SLCO1B3: variants seen among roughly 807,000 people sequenced by gnomAD.
SLCO1B3 encodes the protein solute carrier organic anion transporter family member 1B3.
SLCO1B3 carries 72 observed loss-of-function variants against 71.8 expected under a neutral mutation model. The observed-to-expected ratio is 1.00, with a 90% confidence interval of 0.83 to 1.22. The LOEUF is 1.22. SLCO1B3 is among the 50% of genes most tolerant of loss of function. The pLI is 0.00. For missense variants in SLCO1B3, 911 were observed against 819.7 expected, an observed-to-expected ratio of 1.11 and a Z score of -1.36; for synonymous variants, 298 against 278.4, an observed-to-expected ratio of 1.07 and a Z score of -0.70.
chr12:20,855,911 T>C (rs1053147771), intron 4 of SLCO1B3, among the ~76,000 whole-genome samples: 1 of 152,060 alleles, frequency 6.6e-6, no homozygotes, highest in African/African-American at 2.4e-5. Flanking sequence ...CACCAAATTG[T>C]CTATTATATA....
chr12:20,823,313 G>T (rs928411266), intron 3 of SLCO1B3, among the ~76,000 whole-genome samples: 1 of 151,810 alleles, frequency 6.6e-6, no homozygotes, highest in Non-Finnish European at 1.5e-5. Flanking sequence ...AGGGGGAAAA[G>T]GAAAATGAAA....
At chr12:20,854,708 A>T (rs1169241624) in intron 3 of SLCO1B3, among the ~76,000 whole-genome samples, 1 of 152,218 alleles carries the variant, frequency 6.6e-6, no homozygotes, top group Admixed American at 6.5e-5. Flanking sequence ...AATAAAGAAA[A>T]TAGCTCACCA....
intron 13 of SLCO1B3, among the ~76,000 whole-genome samples, chr12:20,892,623 A>C (rs1408934350): frequency 6.6e-6 from 1 of 152,162 alleles, no homozygotes; most frequent in African/African-American, 2.4e-5. Context: ...AGTGATGAAG[A>C]ATATTGAACT....
chr12:20,862,756 G>A lies in SLCO1B3; in HGVS notation c.629G>A (p.Gly210Asp). 1 of 1,602,670 alleles carries A rather than the reference G, an allele frequency of 6.2e-7. No individual in the cohort carries two copies. The highest frequency in any genetic ancestry group is 8.5e-7 in the Non-Finnish European group (1 of 1,173,136). Residue 210 changes from glycine to aspartate, a missense_variant and splice_region_variant, in exon 8 of 16, where the codon GGT becomes GAT. By Grantham distance (94) the Gly-to-Asp change is moderately conservative (BLOSUM62 -1). Transcript: ENST00000381545. ...TTAAATTGTTTTGTAATACTTACAG[G>A]TAGTTTGAATGCAATAGGAATGATT... ...AKEGHSSLYL[G>D]SLNAIGMIGP... is the part of the protein sequence containing the mutation.
At chr12:20,889,613 G>A (rs1005599035) in intron 13 of SLCO1B3, among the ~76,000 whole-genome samples, 3 of 151,940 alleles carry the variant, frequency 2.0e-5, no homozygotes, top group African/African-American at 7.2e-5. Flanking sequence ...CTACTAGTAA[G>A]CTATCTATCT....
chr12:20,899,063 G>C (rs1361136354), intron 14 of SLCO1B3, among the ~76,000 whole-genome samples: 1 of 152,186 alleles, frequency 6.6e-6, no homozygotes, highest in African/African-American at 2.4e-5. Flanking sequence ...TGGATTATGA[G>C]GATGTCCTGA....
At chr12:20,892,385 T>C (rs930621912) in intron 13 of SLCO1B3, among the ~76,000 whole-genome samples, 9 of 152,152 alleles carry the variant, frequency 5.9e-5, no homozygotes. Flanking sequence ...TTGTGGTTGA[T>C]AGCAAAGTTG....
At position 20,862,415 on chromosome 12, in the gene SLCO1B3, G is replaced by A. The variant is rs1565593296; in HGVS notation, c.485G>A (p.Cys162Tyr). ...AAACACTCTCTTGTCTCGATAGATTGTGTAAAGGAATCTGGGTCACACATG... is the reference window on the plus strand; with the variant it reads ...AAACACTCTCTTGTCTCGATAGATTATGTAAAGGAATCTGGGTCACACATG... ...GTSPEIVEKD[C>Y]VKESGSHMWI... Residue 162 changes from cysteine to tyrosine, a missense_variant, in exon 7 of 16, where the codon TGT becomes TAT. By Grantham distance (194) the Cys-to-Tyr change is radical. Transcript: ENST00000381545. 4 of 1,609,330 alleles carry A rather than the reference G, an allele frequency of 2.5e-6. No homozygotes were observed. The Admixed American group carries it at 6.8e-5, about 27-fold the overall frequency.
intron 15 of SLCO1B3, among the ~76,000 whole-genome samples, chr12:20,912,501 T>A (rs1866403342): frequency 6.7e-6 from 1 of 149,902 alleles, no homozygotes; most frequent in Non-Finnish European, 1.5e-5. Flanking sequence ...GCTAATTTTT[T>A]TTTTTTTTTT....
chr12:20,840,026 A>G (rs1327783173), intron 3 of SLCO1B3, among the ~76,000 whole-genome samples: 1 of 152,084 alleles, frequency 6.6e-6, no homozygotes, highest in African/African-American at 2.4e-5. Flanking sequence ...TAGAATTTTT[A>G]TCTCGGCTTA....
chr12:20,834,154 T>C (rs1341521324), intron 3 of SLCO1B3, among the ~76,000 whole-genome samples: 2 of 87,430 alleles, frequency 2.3e-5, no homozygotes, highest in African/African-American at 6.4e-5. Context: ...AATATATGTA[T>C]TTATATATCA....
At position 20,824,033 on chromosome 12, in the gene SLCO1B3, T is replaced by C. The variant is rs115173153; in HGVS notation, c.84+8211T>C. On this transcript the variant is annotated intron_variant, in intron 3 of 15. Transcript: ENST00000381545. ...CTTATTAAACTTATGCAAATAATTATATTGCCATAAATTGAGAATACTCTC... is the reference window on the plus strand; with the variant it reads ...CTTATTAAACTTATGCAAATAATTACATTGCCATAAATTGAGAATACTCTC... Among the ~76,000 whole-genome samples, 1,016 of 152,328 alleles carry C rather than the reference T, an allele frequency of 6.7e-3. 15 individuals carry two copies. The highest frequency in any genetic ancestry group is 0.024 in the African/African-American group (983 of 41,572).
At chr12:20,838,196 T>A (rs1399934) in intron 3 of SLCO1B3, among the ~76,000 whole-genome samples, 109,833 of 151,630 alleles carry the variant, frequency 0.72, 42,360 homozygotes, top group South Asian at 0.9. Flanking sequence ...TTTGTTACAT[T>A]TGTATACCTT....
intron 15 of SLCO1B3, among the ~76,000 whole-genome samples, chr12:20,905,327 C>A (rs751723780): frequency 1.3e-5 from 2 of 152,184 alleles, no homozygotes; most frequent in Non-Finnish European, 2.9e-5. Context: ...ACTGTCTTGG[C>A]TATTAACATT....
chr12:20,854,026 T>C (rs1865079502), intron 3 of SLCO1B3, among the ~76,000 whole-genome samples: 1 of 152,114 alleles, frequency 6.6e-6, no homozygotes, highest in South Asian at 2.1e-4. Flanking sequence ...CTTGTTTTAT[T>C]CCTGCTTTTA....
chr12:20,872,911 G>A (rs1055076761), intron 8 of SLCO1B3, among the ~76,000 whole-genome samples: 1 of 152,164 alleles, frequency 6.6e-6, no homozygotes, highest in African/African-American at 2.4e-5. Flanking sequence ...ATCTTCTTGG[G>A]CCTCTCAAAT....
In SLCO1B3 at chr12:20,877,896, A is replaced by G. The variant is rs1015413370; in HGVS notation, c.1095A>G (p.Gln365=). The change falls in exon 10 of 16, where the codon CAA becomes CAG. Residue 365 remains glutamine (Q), a synonymous_variant. Coordinates refer to ENST00000381545, the MANE Select transcript of SLCO1B3 (RefSeq NM_019844.4). ...SFTYVFKYME[Q]QYGQSASHAN... is the part of the protein sequence containing the mutation. ...CTTACGTCTTTAAATATATGGAGCAACAGTACGGTCAGTCTGCATCTCATG... is the reference window on the plus strand; with the variant it reads ...CTTACGTCTTTAAATATATGGAGCAGCAGTACGGTCAGTCTGCATCTCATG... The G allele has an allele frequency of 3.8e-6, 6 of 1,591,678 alleles. No homozygotes were observed. The East Asian group carries it at 9.3e-5, about 25-fold the overall frequency.
chr12:20,820,485 G>A (rs1864275384), intron 3 of SLCO1B3, among the ~76,000 whole-genome samples: 1 of 152,186 alleles, frequency 6.6e-6, no homozygotes, highest in South Asian at 2.1e-4. Flanking sequence ...GGGGGAGGAG[G>A]TTCTGGAGGA....
chr12:20,883,068 A>G (rs1042640230), intron 12 of SLCO1B3, among the ~76,000 whole-genome samples: 2 of 152,246 alleles, frequency 1.3e-5, no homozygotes, highest in African/African-American at 2.4e-5. Context: ...GTTTCAAACT[A>G]TATTTTCTGG....
Sources: allele counts gnomAD v4.1 joint callset (sites outside exome capture counted in the v4.1 genomes callset), GRCh38; gene constraint gnomAD v4.1.1; transcripts MANE v1.5; gene names NCBI Gene and HGNC (gene_info 2026-07-23, HGNC 2026-07-21).